The following LHFPL3 variants were observed in gnomAD, a reference collection of about 807,000 sequenced individuals.
LHFPL3 encodes the protein LHFPL tetraspan subfamily member 3 protein.
A neutral mutation model predicts 19.3 loss-of-function variants in LHFPL3; 5 were observed. That is an observed-to-expected ratio of 0.26 (90% CI 0.14 to 0.54). LHFPL3 has a LOEUF of 0.54. Among genes scored for constraint, LHFPL3 ranks in the 20% least tolerant of loss-of-function variants. The pLI, the probability that LHFPL3 is intolerant of heterozygous loss-of-function variation, is 0.94. For synonymous variants in LHFPL3, 133 were observed against 126.2 expected, an observed-to-expected ratio of 1.05 and a Z score of -0.36; for missense variants, 249 against 307.4, an observed-to-expected ratio of 0.81 and a Z score of 1.42.
chr7:104,825,672 G>C (rs1790803774), intron 2 of LHFPL3, among the ~76,000 whole-genome samples: 2 of 152,040 alleles, frequency 1.3e-5, no homozygotes, highest in South Asian at 4.1e-4. Flanking sequence ...TTCAGCACTA[G>C]AAAGGGGACT....
intron 1 of LHFPL3, among the ~76,000 whole-genome samples, chr7:104,591,210 G>A (rs1306554972): frequency 4.6e-5 from 7 of 152,100 alleles, no homozygotes; most frequent in African/African-American, 1.2e-4. Flanking sequence ...TCCTAGCCTC[G>A]ATAGTCTTTA....
chr7:104,667,548 A>G (rs1182591166), intron 1 of LHFPL3, among the ~76,000 whole-genome samples: 1 of 152,194 alleles, frequency 6.6e-6, no homozygotes, highest in Non-Finnish European at 1.5e-5. Context: ...TTATGGTTGG[A>G]TTAGCCAATC....
intron 1 of LHFPL3, among the ~76,000 whole-genome samples, chr7:104,688,575 TG>T (rs35073024): frequency 0.5 from 75,573 of 151,828 alleles, 19,181 homozygotes; most frequent in East Asian, 0.59. Context: ...CACCCCCCTG[TG>T]GTGGCAATAT....
At chr7:104,810,331 A>G (rs1790440366) in intron 2 of LHFPL3, among the ~76,000 whole-genome samples, 1 of 152,186 alleles carries the variant, frequency 6.6e-6, no homozygotes, top group Non-Finnish European at 1.5e-5. Context: ...GGTGGAAATC[A>G]AATTGAAAAA....
intron 1 of LHFPL3, among the ~76,000 whole-genome samples, chr7:104,670,907 A>G (rs1010306764): frequency 6.6e-6 from 1 of 151,912 alleles, no homozygotes; most frequent in African/African-American, 2.4e-5. Flanking sequence ...ATAAACGGAA[A>G]TGGAGAGAAC....
intron 1 of LHFPL3, among the ~76,000 whole-genome samples, chr7:104,591,884 C>T (rs1008641643): frequency 2.0e-5 from 3 of 152,170 alleles, no homozygotes; most frequent in Non-Finnish European, 4.4e-5. Context: ...ATCACTGATA[C>T]CCTTTCTTCC....
At chr7:104,458,243 T>A (rs1792585629) in intron 1 of LHFPL3, among the ~76,000 whole-genome samples, 1 of 152,056 alleles carries the variant, frequency 6.6e-6, no homozygotes, top group South Asian at 2.1e-4. Context: ...GTTTTTATGG[T>A]TTTAGGTCTA....
At chr7:104,632,337 T>C (rs1220418194) in intron 1 of LHFPL3, among the ~76,000 whole-genome samples, 1 of 152,180 alleles carries the variant, frequency 6.6e-6, no homozygotes, top group Non-Finnish European at 1.5e-5. Context: ...CCATTACTAA[T>C]AACACTATTT....
At chr7:104,531,654 T>C (rs1180920580) in intron 1 of LHFPL3, among the ~76,000 whole-genome samples, 1 of 152,174 alleles carries the variant, frequency 6.6e-6, no homozygotes, top group Non-Finnish European at 1.5e-5. Flanking sequence ...CCCAGGTATA[T>C]GACAAAGGGA....
intron 1 of LHFPL3, chr7:104,668,867 G>A: frequency 6.2e-7 from 1 of 1,612,136 alleles, no homozygotes. Flanking sequence ...AGAAAGAGAA[G>A]TAGAAGAACG....
At chr7:104,373,637 A>G (rs534222470) in intron 1 of LHFPL3, among the ~76,000 whole-genome samples, 3 of 147,388 alleles carry the variant, frequency 2.0e-5, no homozygotes, top group East Asian at 2.1e-4. Flanking sequence ...AGTCAAATAC[A>G]TTTAAGAAAT....
chr7:104,691,790 G>A (rs1022459643), intron 1 of LHFPL3, among the ~76,000 whole-genome samples: 1 of 152,238 alleles, frequency 6.6e-6, no homozygotes, highest in African/African-American at 2.4e-5. Flanking sequence ...GGAAGAGTTT[G>A]GAGGGCTCAG....
intron 1 of LHFPL3, among the ~76,000 whole-genome samples, chr7:104,706,445 A>T (rs1383231566): frequency 6.6e-6 from 1 of 152,244 alleles, no homozygotes; most frequent in Non-Finnish European, 1.5e-5. Context: ...GGACAAGTCC[A>T]GCCAAATGAG....
rs1255281382 is a variant in LHFPL3, at chr7:104,849,653, T to C, written c.683-56534T>C. Among the ~76,000 whole-genome samples, 4 of 152,334 alleles carry C rather than the reference T, an allele frequency of 2.6e-5. No individual in the cohort carries two copies. In the East Asian group the frequency reaches 5.8e-4, roughly 22 times the overall value. ...ATTTTTATGCAGAGGTTCAACAAAG[T>C]AGGGACAGCCATATAGAAATGTGAT... On this transcript the variant is annotated intron_variant, in intron 2 of 2. Transcript: ENST00000424859.
At chr7:104,772,378 C>T (rs1392751551) in intron 2 of LHFPL3, among the ~76,000 whole-genome samples, 1 of 152,156 alleles carries the variant, frequency 6.6e-6, no homozygotes. Flanking sequence ...TCAAGTCCTG[C>T]TCTCTTTCTG....
intron 2 of LHFPL3, among the ~76,000 whole-genome samples, chr7:104,818,695 G>A (rs901091600): frequency 6.6e-6 from 1 of 152,124 alleles, no homozygotes; most frequent in Non-Finnish European, 1.5e-5. Flanking sequence ...GGCAAAGCCA[G>A]AAAAACAGAG....
intron 2 of LHFPL3, among the ~76,000 whole-genome samples, chr7:104,848,143 G>T (rs1791346675): frequency 6.6e-6 from 1 of 152,148 alleles, no homozygotes; most frequent in Non-Finnish European, 1.5e-5. Context: ...GGCAGAGAAG[G>T]GAATGAGAGG....
chr7:104,788,596 T>A (rs1038299885), intron 2 of LHFPL3, among the ~76,000 whole-genome samples: 2 of 152,218 alleles, frequency 1.3e-5, no homozygotes, highest in Admixed American at 1.3e-4. Context: ...TCTCACTGAC[T>A]AAAGCCAGTT....
chr7:104,592,195 G>A (rs1363316024), intron 1 of LHFPL3, among the ~76,000 whole-genome samples: 2 of 150,926 alleles, frequency 1.3e-5, no homozygotes, highest in Non-Finnish European at 2.9e-5. Flanking sequence ...AGGAGAAGAG[G>A]TATTCTGATT....
Sources: allele counts gnomAD v4.1 joint callset (sites outside exome capture counted in the v4.1 genomes callset), GRCh38; gene constraint gnomAD v4.1.1; transcripts MANE v1.5; gene names NCBI Gene and HGNC (gene_info 2026-07-23, HGNC 2026-07-21).